The following GLI2 variants were observed in gnomAD, a reference collection of about 807,000 sequenced individuals.
The protein encoded by GLI2 is GLI family zinc finger 2.
In GLI2, 22 loss-of-function variants were observed where a neutral mutation model predicts 78.9. That is an observed-to-expected ratio of 0.28 (90% CI 0.20 to 0.40). GLI2 has a LOEUF of 0.40. Among genes scored for constraint, GLI2 ranks in the 10% least tolerant of loss-of-function variants. GLI2 has a pLI of 1.00. For synonymous variants in GLI2, 974 were observed against 963.7 expected (o/e 1.01, Z -0.20); for missense variants, 2,097 against 2,213.2 (o/e 0.95, Z 1.05).
chr2:120,911,112 C>T (rs1485869215), intron 2 of GLI2, among the ~76,000 whole-genome samples: 1 of 152,194 alleles, frequency 6.6e-6, no homozygotes, highest in African/African-American at 2.4e-5. Flanking sequence ...CCTGGGCCTT[C>T]CCCCGGCCTC....
In GLI2 at chr2:120,988,744, C is replaced by T. The variant is rs950546253; in HGVS notation, c.2779C>T (p.Pro927Ser). The T allele has an allele frequency of 1.7e-6, 2 of 1,211,804 alleles. No homozygotes were observed. Among genetic ancestry groups the T allele is most frequent in the Non-Finnish European group, 2.1e-6 (2 of 972,908 alleles). 75.1% of individuals were successfully genotyped at this position (1,211,804 alleles called of 1,614,324 possible). A position where few individuals can be genotyped will look rare whatever the true frequency, so the allele number is the denominator to read the frequency against. The change falls in exon 14 of 14, where the codon CCG becomes TCG. Residue 927 changes from proline (P) to serine (S), a missense_variant. Coordinates refer to ENST00000361492, the MANE Select transcript of GLI2 (RefSeq NM_001374353.1). ...PLGPRRGSDG[P>S]TYGHGHAGAA... ...GGGGCCGCGGCGTGGCAGCGACGGG[C>T]CGACCTATGGCCACGGCCACGCGGG...
At chr2:120,972,516 G>C (rs1181739215) in intron 8 of GLI2, 3 of 442,652 alleles carry the variant, frequency 6.8e-6, no homozygotes, top group Non-Finnish European at 1.4e-5. Context: ...TGGGTGATAG[G>C]ACTGAGCTCC....
At chr2:120,986,240 C>A (rs777167262) in intron 12 of GLI2, 38 bp from the exon 13 acceptor site, 1 of 1,575,204 alleles carries the variant, frequency 6.3e-7, no homozygotes, top group Non-Finnish European at 8.7e-7. Flanking sequence ...GAATCTGATA[C>A]CCTCTGAGTC....
rs1259823928 is a variant in GLI2, at chr2:120,736,138, G to GCCCGC, written c.-168_-164dup. The GCCCGC allele has an allele frequency of 6.7e-6, 1 of 149,302 alleles. No homozygotes were observed. Among genetic ancestry groups the GCCCGC allele is most frequent in the Admixed American group, 6.6e-5 (1 of 15,096 alleles). 9.2% of individuals were successfully genotyped at this position (149,302 alleles called of 1,614,324 possible). A position where few individuals can be genotyped will look rare whatever the true frequency, so the allele number is the denominator to read the frequency against. On this transcript the variant is annotated 5_prime_UTR_variant, in exon 1 of 14. Coordinates refer to ENST00000361492, the MANE Select transcript of GLI2 (RefSeq NM_001374353.1). Reference sequence around the variant, plus strand: ...GCCTCTCGGTCCCCTCTCTTGCCTGGCCCGCCCCGCCCCGGCTGGCTGGAG... The same window carrying GCCCGC: ...GCCTCTCGGTCCCCTCTCTTGCCTGGCCCGCCCCGCCCCGCCCCGGCTGGCTGGAG...
intron 2 of GLI2, among the ~76,000 whole-genome samples, chr2:120,835,913 A>C (rs1686590156): frequency 6.6e-6 from 1 of 151,930 alleles, no homozygotes; most frequent in Non-Finnish European, 1.5e-5. Context: ...TTTTTTTGCC[A>C]TTTTTAGTCT....
chr2:120,902,911 A>G (rs1023970622), intron 2 of GLI2, among the ~76,000 whole-genome samples: 1 of 152,132 alleles, frequency 6.6e-6, no homozygotes, highest in African/African-American at 2.4e-5. Context: ...GGAGCTCTCA[A>G]GTATGTTTGT....
At chr2:120,750,569 A>G (rs1682834780) in intron 1 of GLI2, among the ~76,000 whole-genome samples, 1 of 152,256 alleles carries the variant, frequency 6.6e-6, no homozygotes, top group Non-Finnish European at 1.5e-5. Flanking sequence ...TAGTAAGCAC[A>G]CAGTACATCT....
intron 2 of GLI2, among the ~76,000 whole-genome samples, chr2:120,915,855 G>A (rs1161740400): frequency 6.6e-6 from 1 of 152,160 alleles, no homozygotes; most frequent in Non-Finnish European, 1.5e-5. Flanking sequence ...CAGACCCCTT[G>A]CAGCTGCTGC....
At chr2:120,912,919 T>C (rs1678901600) in intron 2 of GLI2, among the ~76,000 whole-genome samples, 1 of 152,154 alleles carries the variant, frequency 6.6e-6, no homozygotes, top group Non-Finnish European at 1.5e-5. Context: ...ACTTAATCCC[T>C]TGGGCGGGGC....
intron 3 of GLI2, among the ~76,000 whole-genome samples, chr2:120,945,557 G>GTCTTAGCTAAGAC: frequency 6.6e-6 from 1 of 152,248 alleles, no homozygotes; most frequent in South Asian, 2.1e-4. Flanking sequence ...TGTGGGTCAA[G>GTCTTAGCTAAGAC]AAATGTCTTA....
intron 1 of GLI2, among the ~76,000 whole-genome samples, chr2:120,777,989 G>A (rs71424362): frequency 0.14 from 21,801 of 152,084 alleles, 1,611 homozygotes; most frequent in Middle Eastern, 0.21. Context: ...GCCCCCACCC[G>A]GCTAGGCCCA....
intron 5 of GLI2, among the ~76,000 whole-genome samples, chr2:120,961,039 T>C (rs1042591101): frequency 6.6e-6 from 1 of 152,124 alleles, no homozygotes; most frequent in African/African-American, 2.4e-5. Flanking sequence ...GGCCCTAAAA[T>C]GGAATTTTCT....
intron 1 of GLI2, among the ~76,000 whole-genome samples, chr2:120,746,702 C>A (rs1186867886): frequency 6.6e-6 from 1 of 152,068 alleles, no homozygotes; most frequent in Non-Finnish European, 1.5e-5. Context: ...ACATTATTTG[C>A]CCCCCAAGAT....
chr2:120,792,190 C>T (rs2104685608), intron 1 of GLI2: 1 of 152,336 alleles, frequency 6.6e-6, no homozygotes, highest in East Asian at 1.9e-4. Flanking sequence ...GTGATTCGCT[C>T]ATTCTGCTCT....
intron 2 of GLI2, among the ~76,000 whole-genome samples, chr2:120,812,863 T>C (rs1041949341): frequency 4.6e-5 from 7 of 152,202 alleles, no homozygotes; most frequent in Admixed American, 2.6e-4. Flanking sequence ...CTGTTCTCCC[T>C]CTTCCACATG....
chr2:120,785,503 G>A (rs1242504780), intron 1 of GLI2, among the ~76,000 whole-genome samples: 1 of 152,186 alleles, frequency 6.6e-6, no homozygotes, highest in African/African-American at 2.4e-5. Context: ...AGCTGGGCAA[G>A]TTGGAGCAGG....
chr2:120,774,151 C>A (rs1683611378), intron 1 of GLI2, among the ~76,000 whole-genome samples: 1 of 152,142 alleles, frequency 6.6e-6, no homozygotes. Flanking sequence ...GTCCAGATCT[C>A]AACCCAGAGT....
At chr2:120,986,836 A>C (rs1183167302) in intron 13 of GLI2, among the ~76,000 whole-genome samples, 12 of 152,206 alleles carry the variant, frequency 7.9e-5, no homozygotes, top group African/African-American at 2.7e-4. Context: ...CAACTGCACC[A>C]TTCTGAGTCC....
chr2:120,820,058 T>C (rs1421751495), intron 2 of GLI2, among the ~76,000 whole-genome samples: 1 of 152,142 alleles, frequency 6.6e-6, no homozygotes, highest in African/African-American at 2.4e-5. Context: ...GCTGCTTTGC[T>C]GGAGGAAACC....
Sources: allele counts gnomAD v4.1 joint callset (sites outside exome capture counted in the v4.1 genomes callset), GRCh38; gene constraint gnomAD v4.1.1; transcripts MANE v1.5; gene names NCBI Gene and HGNC (gene_info 2026-07-23, HGNC 2026-07-21).